MIA2: variants seen among roughly 807,000 people sequenced by gnomAD.
MIA2 encodes the protein melanoma inhibitory activity protein 2.
Under a neutral mutation model 167.8 loss-of-function variants are expected in MIA2, and 127 were observed. That is an observed-to-expected ratio of 0.76 (90% confidence interval 0.66 to 0.88). The LOEUF (loss-of-function observed/expected upper bound fraction) is 0.88. Ranked by LOEUF, MIA2 falls within the 40% of genes least tolerant of loss-of-function variation. MIA2 has a pLI of 0.00. For synonymous variants in MIA2, 552 were observed against 541.9 expected, an observed-to-expected ratio of 1.02 and a Z score of -0.26; for missense variants, 1,690 against 1,624.7, an observed-to-expected ratio of 1.04 and a Z score of -0.69.
chr14:39,261,924 G>C (rs1034622171), intron 6 of MIA2, among the ~76,000 whole-genome samples: 5 of 151,892 alleles, frequency 3.3e-5, no homozygotes, highest in Non-Finnish European at 4.4e-5. Context: ...CAAAAATTTT[G>C]TCCCATTCTG....
chr14:39,339,097 G>A (rs1464989886), intron 25 of MIA2, among the ~76,000 whole-genome samples: 2 of 152,126 alleles, frequency 1.3e-5, no homozygotes, highest in Non-Finnish European at 1.5e-5. Context: ...ATTCTCATAA[G>A]GAATGCACAG....
intron 6 of MIA2, among the ~76,000 whole-genome samples, chr14:39,260,948 C>T (rs1301972427): frequency 6.6e-6 from 1 of 151,734 alleles, no homozygotes; most frequent in Non-Finnish European, 1.5e-5. Flanking sequence ...TTCCCAGCAC[C>T]ATTTATTAAA....
chr14:39,273,548 G>A (rs545927949), intron 6 of MIA2, among the ~76,000 whole-genome samples: 22 of 151,946 alleles, frequency 1.4e-4, no homozygotes, highest in Non-Finnish European at 2.6e-4. Context: ...ACTATGAAAC[G>A]GTGCTAGATA....
chr14:39,378,887 A>T (rs945676727), intron 23 of MIA2, among the ~76,000 whole-genome samples: 2 of 152,376 alleles, frequency 1.3e-5, no homozygotes, highest in South Asian at 4.1e-4. Flanking sequence ...AGAGTTTAAA[A>T]TACTTGATAT....
At chr14:39,298,442 T>TATATATATATATATATATATATATATA (rs1281649977) in intron 13 of MIA2, among the ~76,000 whole-genome samples, 1 of 8,500 alleles carries the variant, frequency 1.2e-4, no homozygotes, top group African/African-American at 1.1e-3. Flanking sequence ...TATATATATA[T>TATATATATATATATATATATATATATA]AAAGATTAGT....
intron 18 of MIA2, among the ~76,000 whole-genome samples, chr14:39,312,050 G>A (rs2064404913): frequency 6.6e-6 from 1 of 150,716 alleles, no homozygotes; most frequent in Non-Finnish European, 1.5e-5. Context: ...GGCTGGTCTC[G>A]AACTCCTGAC....
At chr14:39,300,963 CACATATATACACATATAT>C (rs1374216329) in intron 14 of MIA2, among the ~76,000 whole-genome samples, 10 of 143,192 alleles carry the variant, frequency 7.0e-5, no homozygotes, top group Admixed American at 1.4e-4. Context: ...CATACATATA[CACATATATACACATATAT>C]ACATATATAC....
At chr14:39,386,863 G>A (rs763985691) in intron 23 of MIA2, 1 of 861,068 alleles carries the variant, frequency 1.2e-6, no homozygotes, top group Non-Finnish European at 2.0e-6. Context: ...TTAACTCTGA[G>A]GCGGTCGTTC....
chr14:39,293,431 C>T, intron 11 of MIA2, 50 bp downstream of exon 11: 1 of 1,208,796 alleles, frequency 8.3e-7, no homozygotes, highest in South Asian at 1.3e-5. Flanking sequence ...AGTTACTGAG[C>T]TTTAAAAAAT....
intron 6 of MIA2, among the ~76,000 whole-genome samples, chr14:39,259,616 A>G (rs1161101462): frequency 3.3e-5 from 5 of 150,896 alleles, no homozygotes; most frequent in African/African-American, 1.2e-4. Flanking sequence ...CTGCAGCCTC[A>G]GCCTGCTGGG....
chr14:39,302,299 C>T (rs772663889), intron 15 of MIA2, 50 bp downstream of exon 15: 1 of 1,598,702 alleles, frequency 6.3e-7, no homozygotes, highest in Admixed American at 1.7e-5. Flanking sequence ...ACTAGCTCTT[C>T]TATTTCCTTT....
chr14:39,360,869 A>G (rs1351037695), intron 23 of MIA2, among the ~76,000 whole-genome samples: 2 of 152,214 alleles, frequency 1.3e-5, no homozygotes, highest in South Asian at 2.1e-4. Context: ...ATTCTTCCGC[A>G]TATGGATATC....
intron 1 of MIA2, among the ~76,000 whole-genome samples, chr14:39,235,353 A>G (rs957158356): frequency 6.6e-6 from 1 of 152,182 alleles, no homozygotes; most frequent in African/African-American, 2.4e-5. Context: ...CAACATGAAA[A>G]TGAAAAATGA....
exon 24 of MIA2, chr14:39,387,206 G>A (rs965362484): frequency 2.6e-4 from 107 of 413,050 alleles, no homozygotes; most frequent in Non-Finnish European, 2.1e-5. Flanking sequence ...TGATGGATTT[G>A]GGAAAAGTAA....
At chr14:39,385,957 C>A in intron 23 of MIA2, 1 of 818,048 alleles carries the variant, frequency 1.2e-6, no homozygotes, top group Non-Finnish European at 2.1e-6. Flanking sequence ...GAGAGGAGGA[C>A]CAGGAGCCTG....
intron 4 of MIA2, among the ~76,000 whole-genome samples, chr14:39,251,114 C>G (rs1261405843): frequency 6.6e-6 from 1 of 152,128 alleles, no homozygotes; most frequent in Non-Finnish European, 1.5e-5. Context: ...TGAAAACTTG[C>G]TGTAATTATA....
At chr14:39,278,487 A>C (rs2058485689) in intron 7 of MIA2, among the ~76,000 whole-genome samples, 1 of 152,104 alleles carries the variant, frequency 6.6e-6, no homozygotes. Flanking sequence ...CTCTATCCAT[A>C]TTCTGTAGAT....
chr14:39,267,306 C>T, intron 6 of MIA2: 11 of 1,482,262 alleles, frequency 7.4e-6, no homozygotes, highest in Middle Eastern at 2.5e-4. Flanking sequence ...TGCCCCTGTC[C>T]CCCAGCTCCC....
rs1394378781 is a variant in MIA2 at position 39,303,478 on chromosome 14, A to C, written c.2741A>C (p.Asp914Ala). Residue 914 changes from aspartate to alanine, a missense_variant and splice_region_variant, in exon 16 of 29, where the codon GAT becomes GCT. Coordinates refer to ENST00000640607, the MANE Select transcript of MIA2 (RefSeq NM_001329214.4). ...NSESENGAYLDNPPKGALKKL... is the reference protein window; with the variant it reads ...NSESENGAYLANPPKGALKKL... Reference sequence around the variant, plus strand: ...GTTGTGCTTTTGATTTTCACTGTAGATAATCCTCCAAAAGGAGCTTTGAAG... The same window carrying C: ...GTTGTGCTTTTGATTTTCACTGTAGCTAATCCTCCAAAAGGAGCTTTGAAG... 6.2e-7 allele frequency: 1 copy of C among 1,609,462 alleles called. No individual in the cohort carries two copies. Among genetic ancestry groups the C allele is most frequent in the Non-Finnish European group, 8.5e-7 (1 of 1,176,948 alleles).
Sources: allele counts gnomAD v4.1 joint callset (sites outside exome capture counted in the v4.1 genomes callset), GRCh38; gene constraint gnomAD v4.1.1; transcripts MANE v1.5; gene names NCBI Gene and HGNC (gene_info 2026-07-23, HGNC 2026-07-21).